The following HEATR4 variants were observed in gnomAD, a reference collection of about 807,000 sequenced individuals.
HEATR4 encodes the protein HEAT repeat containing 4, also known as HEAT repeat-containing protein 4.
A neutral mutation model predicts 108.8 loss-of-function variants in HEATR4; 95 were observed. The observed-to-expected ratio is 0.87, with a 90% CI of 0.74 to 1.04. The LOEUF (loss-of-function observed/expected upper bound fraction) is 1.04, where lower values mean the gene tolerates loss of function less well. HEATR4 is among the 50% of genes least tolerant of loss of function. HEATR4 has a pLI of 0.00. For synonymous variants in HEATR4, 443 were observed against 459.4 expected (o/e 0.96, Z 0.46); for missense variants, 1,152 against 1,253.8 (o/e 0.92, Z 1.23).
At chr14:73,619,919 CTTTTT>C in the HEATR4 span, 10 of 1,174,564 alleles carry the variant, frequency 8.5e-6, no homozygotes, top group Admixed American at 3.1e-5. Flanking sequence ...TTTCTTTTCT[CTTTTT>C]TTTTTTTTTT....
At chr14:73,578,490 C>T in the HEATR4 span, among the ~76,000 whole-genome samples, 11 of 152,030 alleles carry the variant, frequency 7.2e-5, no homozygotes, top group Admixed American at 2.0e-4. Context: ...TGGCGTACCA[C>T]ACTGATTGGA....
At chr14:73,568,972 G>T in the HEATR4 span, 71 of 510,682 alleles carry the variant, frequency 1.4e-4, no homozygotes, top group Middle Eastern at 5.1e-4. Flanking sequence ...TCGCCATCAG[G>T]AGTTTGGAGC....
At chr14:73,524,310 A>AAAAAATATATATATATATATATATATAT in intron 2 of HEATR4, among the ~76,000 whole-genome samples, 2 of 54,780 alleles carry the variant, frequency 3.7e-5, no homozygotes, top group African/African-American at 1.8e-4. Flanking sequence ...AAAAAAAAAA[A>AAAAAATATATATATATATATATATATAT]ATATATATAT....
At chr14:73,570,965 C>T in the HEATR4 span, among the ~76,000 whole-genome samples, 1 of 139,126 alleles carries the variant, frequency 7.2e-6, no homozygotes, top group African/African-American at 2.6e-5. Context: ...TATGTATTGA[C>T]TAGGAAGCCA....
intron 17 of HEATR4, chr14:73,491,194 T>C (rs1885701112): frequency 6.3e-7 from 1 of 1,596,370 alleles, no homozygotes; most frequent in Non-Finnish European, 8.5e-7. Context: ...AGACGCTGCC[T>C]AGCGAGAACT....
At position 73,506,804 on chromosome 14, in the gene HEATR4, G is replaced by GTTTTTTTTTTTTTT. The variant is rs34660727; in HGVS notation, c.1882-247_1882-234dup. Among the ~76,000 whole-genome samples the GTTTTTTTTTTTTTT allele has an allele frequency of 4.1e-4, 33 of 80,488 alleles. 5 individuals carry two copies. The highest frequency in any genetic ancestry group is 9.8e-4 in the African/African-American group (20 of 20,422). The allele number at this position is 80,488 out of a possible 152,430, so 52.8% of individuals were successfully genotyped here. A position where few individuals can be genotyped will look rare whatever the true frequency, so the allele number is the denominator to read the frequency against. On this transcript the variant is annotated intron_variant, in intron 9 of 17. Coordinates refer to ENST00000553558, the MANE Select transcript of HEATR4 (RefSeq NM_001220484.1). ...GGACCTTCCTTTCCTGACTTTAACTGTTTTTTTTTTTTTTTTTTTTTCTGA... is the reference window on the plus strand; with the variant it reads ...GGACCTTCCTTTCCTGACTTTAACTGTTTTTTTTTTTTTTTTTTTTTTTTTTTTTTTTTTTCTGA...
intron 1 of HEATR4, among the ~76,000 whole-genome samples, chr14:73,535,465 CTTTCTTTTTTTTTTTTTTTTTTTTTTTT>C: frequency 6.3e-5 from 1 of 15,806 alleles, no homozygotes; most frequent in South Asian, 2.5e-3. Context: ...TCTTTTTCTT[CTTTCTTTTTTTTTTTTTTTTTTTTTTTT>C]TTTTTTTTTT....
intron 17 of HEATR4, among the ~76,000 whole-genome samples, chr14:73,490,189 G>T (rs1364118081): frequency 6.6e-6 from 1 of 151,660 alleles, no homozygotes; most frequent in East Asian, 1.9e-4. Flanking sequence ...GCAATGGTAC[G>T]ATCTCGGCTC....
Position 73,553,502 on chromosome 14 carries a change from C to T in HEATR4, c.-152+5249G>A, listed in dbSNP as rs1201187138. 1.8e-5 allele frequency among the ~76,000 whole-genome samples: 2 copies of T among 113,196 alleles called. 1 individual carries two copies. Among genetic ancestry groups the T allele is most frequent in the Non-Finnish European group, 3.9e-5 (2 of 51,674 alleles). The allele number at this position is 113,196 out of a possible 152,430, so 74.3% of individuals were successfully genotyped here. On this transcript the variant is annotated intron_variant, in intron 1 of 17. Coordinates refer to ENST00000553558, the MANE Select transcript of HEATR4 (RefSeq NM_001220484.1). ...CTCCAGCCTAGGCAACTGAACAGGACTAGATCTCCAAAAAAAATTAAAATA... is the reference window on the plus strand; with the variant it reads ...CTCCAGCCTAGGCAACTGAACAGGATTAGATCTCCAAAAAAAATTAAAATA...
At chr14:73,597,810 T>C in the HEATR4 span, among the ~76,000 whole-genome samples, 1 of 151,724 alleles carries the variant, frequency 6.6e-6, no homozygotes, top group South Asian at 2.1e-4. Context: ...GCCAGGCTGG[T>C]CTCAAATCCC....
intron 13 of HEATR4, among the ~76,000 whole-genome samples, chr14:73,498,781 A>C (rs1886248294): frequency 6.6e-6 from 1 of 152,214 alleles, no homozygotes; most frequent in Non-Finnish European, 1.5e-5. Flanking sequence ...AAGGAAAGCA[A>C]GATGCATCCA....
chr14:73,543,110 A>T (rs746989185), intron 1 of HEATR4: 1 of 1,591,678 alleles, frequency 6.3e-7, no homozygotes, highest in Non-Finnish European at 8.6e-7. Flanking sequence ...CTGCCTTTCC[A>T]TGGCCTCTTT....
At chr14:73,595,271 A>C in the HEATR4 span, 1 of 1,614,210 alleles carries the variant, frequency 6.2e-7, no homozygotes, top group African/African-American at 1.3e-5. Flanking sequence ...CATTGTGGAT[A>C]TAAGGAATGC....
At chr14:73,566,426 G>A in the HEATR4 span, among the ~76,000 whole-genome samples, 101 of 152,230 alleles carry the variant, frequency 6.6e-4, no homozygotes, top group African/African-American at 2.1e-3. Context: ...AGGAGCCCAC[G>A]GAGGCGGGGG....
At chr14:73,608,075 CCA>C in the HEATR4 span, among the ~76,000 whole-genome samples, 1 of 152,008 alleles carries the variant, frequency 6.6e-6, no homozygotes, top group African/African-American at 2.4e-5. Flanking sequence ...CAGGCGCCTG[CCA>C]CTGTGCCTGC....
intron 4 of HEATR4, chr14:73,520,061 A>G (rs1285411293): frequency 6.6e-6 from 1 of 152,220 alleles, no homozygotes; most frequent in Non-Finnish European, 1.5e-5. Context: ...AAAGCTAGAT[A>G]CTAAAAAAGA....
At chr14:73,530,077 C>G (rs1447354607) in intron 2 of HEATR4, 89 bp downstream of exon 2, 1 of 133,720 alleles carries the variant, frequency 7.5e-6, no homozygotes, top group African/African-American at 2.6e-5. Flanking sequence ...ATCCTCCTGC[C>G]TCAGCGTCCC....
chr14:73,559,692 A>G (rs1246327339), upstream of HEATR4, among the ~76,000 whole-genome samples: 1 of 152,086 alleles, frequency 6.6e-6, no homozygotes, highest in Non-Finnish European at 1.5e-5. Context: ...CAGTGAGCCA[A>G]GATCAGGCCA....
intron 5 of HEATR4, among the ~76,000 whole-genome samples, chr14:73,514,955 C>G (rs1887495860): frequency 6.6e-6 from 1 of 151,772 alleles, no homozygotes; most frequent in Admixed American, 6.6e-5. Flanking sequence ...GTAGTCTCAG[C>G]TACTTGAGAG....
Sources: allele counts gnomAD v4.1 joint callset (sites outside exome capture counted in the v4.1 genomes callset), GRCh38; gene constraint gnomAD v4.1.1; transcripts MANE v1.5; gene names NCBI Gene and HGNC (gene_info 2026-07-23, HGNC 2026-07-21).